NTRK2: variants seen among roughly 807,000 people sequenced by gnomAD.
NTRK2 encodes the protein BDNF/NT-3 growth factors receptor.
A neutral mutation model predicts 94.5 loss-of-function variants in NTRK2; 13 were observed. The ratio of observed to expected loss-of-function variants is 0.14; its 90% CI spans 0.09 to 0.22. The LOEUF is 0.22. NTRK2 is among the 10% of genes least tolerant of loss of function. The pLI, the probability that NTRK2 is intolerant of heterozygous loss-of-function variation, is 1.00. For synonymous variants in NTRK2, 372 were observed against 407.4 expected (o/e 0.91, Z 1.05); for missense variants, 639 against 1,071.2 (o/e 0.60, Z 5.63).
rs547054285 is a variant in NTRK2, at chr9:84,955,210, A to T, written c.1938-73A>T. On this transcript the variant is annotated intron_variant, in intron 16 of 18. Transcript: ENST00000277120. The stretch of plus-strand genomic sequence containing the variant: ...GAGGAGCTTAGCAAGAGGGACGGGG[A>T]GGGGCAGGGGCAAAGGGCCCCTGGA... 31 of 1,249,292 alleles carry T rather than the reference A, an allele frequency of 2.5e-5. No individual in the cohort carries two copies. The Admixed American group carries it at 5.5e-4, about 22-fold the overall frequency. The allele number at this position is 1,249,292 out of a possible 1,614,324, so 77.4% of individuals were successfully genotyped here.
chr9:84,701,968 G>A (rs1339350023), intron 2 of NTRK2, among the ~76,000 whole-genome samples, 191 bp from the exon 3 acceptor site: 1 of 152,196 alleles, frequency 6.6e-6, no homozygotes, highest in Non-Finnish European at 1.5e-5. Flanking sequence ...TATTGACCAT[G>A]AAACCTGGTC....
At chr9:84,922,601 G>T (rs892336326) in intron 14 of NTRK2, among the ~76,000 whole-genome samples, 4 of 152,090 alleles carry the variant, frequency 2.6e-5, no homozygotes, top group Non-Finnish European at 5.9e-5. Context: ...CTTCCTTAAC[G>T]TCTTCAAGAC....
intron 14 of NTRK2, chr9:84,872,653 A>T (rs2075909187): frequency 9.4e-7 from 1 of 1,064,078 alleles, no homozygotes; most frequent in African/African-American, 1.6e-5. Flanking sequence ...ATTTTTAAAA[A>T]TTTTCTCCAG....
rs556706546 is a variant in NTRK2, at chr9:84,769,990, G to A, written c.1396+17905G>A. On this transcript the variant is annotated intron_variant, in intron 12 of 18. Transcript: ENST00000277120. The stretch of plus-strand genomic sequence containing the variant: ...TTTCTTGATTCATATTGCAACTGTC[G>A]TCAGTGCTCTGCTCAGGTACCCTCT... Among the ~76,000 whole-genome samples the A allele has an allele frequency of 1.1e-4, 16 of 152,184 alleles. No homozygotes were observed. The South Asian group carries it at 2.3e-3, about 22-fold the overall frequency.
intron 6 of NTRK2, among the ~76,000 whole-genome samples, chr9:84,713,486 T>G (rs1488999070): frequency 2.0e-5 from 3 of 152,242 alleles, no homozygotes; most frequent in Non-Finnish European, 4.4e-5. Flanking sequence ...CTGGCTTTTT[T>G]GAAGATGTCA....
chr9:85,016,154 C>T (rs561635800), intron 17 of NTRK2, among the ~76,000 whole-genome samples: 43 of 152,200 alleles, frequency 2.8e-4, no homozygotes, highest in Middle Eastern at 3.4e-3. Flanking sequence ...TCCGGAACCA[C>T]GGCGTTTTTG....
At position 84,716,454 on chromosome 9, in the gene NTRK2, C is replaced by T. The variant is rs144798592; in HGVS notation, c.583+5663C>T. On this transcript the variant is annotated intron_variant, in intron 6 of 18. Transcript: ENST00000277120. ...TGTCTGTGTAGCATATTTGTACATA[C>T]TCCTTCTTTTGTTCGTGTTGAACCA... Among the ~76,000 whole-genome samples, 29 of 152,276 alleles carry T rather than the reference C, an allele frequency of 1.9e-4. No individual in the cohort carries two copies. In the East Asian group the frequency reaches 5.6e-3, roughly 29 times the overall value.
At chr9:84,814,949 A>G in intron 12 of NTRK2, 1 of 1,059,938 alleles carries the variant, frequency 9.4e-7, no homozygotes, top group Non-Finnish European at 1.1e-6. Flanking sequence ...GTACCTGCAA[A>G]CCATGCCAGG....
intron 12 of NTRK2, among the ~76,000 whole-genome samples, chr9:84,856,614 G>T (rs569894923): frequency 3.9e-5 from 6 of 152,256 alleles, no homozygotes; most frequent in Non-Finnish European, 8.8e-5. Flanking sequence ...AAGCAAAGCA[G>T]CCCGGGGACT....
At chr9:84,902,332 G>T (rs2076955492) in intron 14 of NTRK2, among the ~76,000 whole-genome samples, 1 of 151,510 alleles carries the variant, frequency 6.6e-6, no homozygotes, top group Non-Finnish European at 1.5e-5. Flanking sequence ...GTTCTTTTTT[G>T]AAAGCCTCCA....
chr9:85,005,901 C>T (rs748258814), intron 17 of NTRK2, among the ~76,000 whole-genome samples: 1 of 152,168 alleles, frequency 6.6e-6, no homozygotes, highest in Non-Finnish European at 1.5e-5. Flanking sequence ...GTATTTATCA[C>T]CACCTGAAAT....
intron 12 of NTRK2, among the ~76,000 whole-genome samples, chr9:84,859,709 A>G (rs924079423): frequency 5.3e-5 from 8 of 152,266 alleles, no homozygotes; most frequent in African/African-American, 1.9e-4. Context: ...TAAATCAAAC[A>G]AATTTAAGAA....
Position 85,024,277 on chromosome 9 carries a change from T to G in NTRK2, c.*2840T>G, listed in dbSNP as rs1388437671. On this transcript the variant is annotated 3_prime_UTR_variant, in exon 19 of 19. Coordinates refer to ENST00000277120, the MANE Select transcript of NTRK2 (RefSeq NM_006180.6). ...CTCCACCACCCCCTTTCTCATGGTC[T>G]GATTTTTAGAAGAGTGGCATCCTCG... The G allele has an allele frequency of 8.6e-6, 2 of 232,816 alleles. No homozygotes were observed. The highest frequency in any genetic ancestry group is 1.7e-5 in the Non-Finnish European group (2 of 117,826). 14.4% of individuals were successfully genotyped at this position (232,816 alleles called of 1,614,324 possible). A position where few individuals can be genotyped will look rare whatever the true frequency, so the allele number is the denominator to read the frequency against.
chr9:84,939,051 C>CAAAAAAAAAAAAAAAAAA (rs138558531), intron 15 of NTRK2, among the ~76,000 whole-genome samples: 1 of 68,412 alleles, frequency 1.5e-5, no homozygotes, highest in Non-Finnish European at 2.7e-5. Context: ...GACCCCAACT[C>CAAAAAAAAAAAAAAAAAA]AAAAAAAAAA....
chr9:84,942,572 C>T (rs2078448260), intron 15 of NTRK2, among the ~76,000 whole-genome samples: 1 of 152,088 alleles, frequency 6.6e-6, no homozygotes, highest in African/African-American at 2.4e-5. Context: ...ATGTGAGCCA[C>T]TATTGAGAGT....
chr9:84,952,085 G>A (rs1022536467), intron 16 of NTRK2, among the ~76,000 whole-genome samples: 1 of 152,186 alleles, frequency 6.6e-6, no homozygotes, highest in African/African-American at 2.4e-5. Context: ...AACTATCACA[G>A]CTAACATTTA....
chr9:84,711,449 G>A (rs2061413706), intron 6 of NTRK2, among the ~76,000 whole-genome samples: 1 of 152,222 alleles, frequency 6.6e-6, no homozygotes, highest in African/African-American at 2.4e-5. Context: ...TATAAGGAAG[G>A]AATAGCAAAG....
At position 84,851,020 on chromosome 9, in the gene NTRK2, A is replaced by C. The variant is rs1399484705; in HGVS notation, c.1397-10020A>C. Among the ~76,000 whole-genome samples, 3 of 152,172 alleles carry C rather than the reference A, an allele frequency of 2.0e-5. No homozygotes were observed. In the East Asian group the frequency reaches 5.8e-4, roughly 29 times the overall value. ...GTCAATACCTAGGTCAGGGTTTCGC[A>C]ATCTCAGTACTGTTGACATTTGGGG... On this transcript the variant is annotated intron_variant, in intron 12 of 18. Transcript: ENST00000277120.
At chr9:84,704,681 T>C (rs1007627141) in intron 4 of NTRK2, among the ~76,000 whole-genome samples, 6 of 152,162 alleles carry the variant, frequency 3.9e-5, no homozygotes, top group African/African-American at 7.2e-5. Flanking sequence ...ATTGATCAAA[T>C]TGCAAAAATG....
Sources: gnomAD v4.1 joint callset for allele counts (sites outside exome capture counted in the v4.1 genomes callset) on GRCh38, gnomAD v4.1.1 for gene constraint, MANE v1.5 for transcripts, NCBI Gene and HGNC (gene_info 2026-07-23, HGNC 2026-07-21) for gene names.